Variants in JAKMIP2 observed in about 807,000 individuals in gnomAD.
JAKMIP2 encodes the protein janus kinase and microtubule interacting protein 2, also known as janus kinase and microtubule-interacting protein 2.
In JAKMIP2, 25 loss-of-function variants were observed where a neutral mutation model predicts 115.0. The ratio of observed to expected loss-of-function variants is 0.22; its 90% confidence interval spans 0.16 to 0.30. The LOEUF (loss-of-function observed/expected upper bound fraction) is 0.30, where lower values mean the gene tolerates loss of function less well. Among genes scored for constraint, JAKMIP2 ranks in the 10% least tolerant of loss-of-function variants. JAKMIP2 has a pLI of 1.00. For synonymous variants in JAKMIP2, 334 were observed against 343.6 expected (o/e 0.97, Z 0.31); for missense variants, 642 against 957.6 (o/e 0.67, Z 4.35).
rs1251844693 is a variant in JAKMIP2, at chr5:147,650,366, C to T, written c.809G>A (p.Gly270Asp). 1.2e-6 allele frequency: 2 copies of T among 1,612,748 alleles called. No homozygotes were observed. The highest frequency in any genetic ancestry group is 2.2e-5 in the South Asian group (2 of 91,058). The change falls in exon 4 of 22, where the codon GGT (glycine) becomes GAT (aspartate). Residue 270 changes from glycine to aspartate, a missense_variant. This residue lies in a region of JAKMIP2 where 439 missense variants were observed against 570.9 expected (regional missense o/e 0.77). Coordinates refer to ENST00000616793, the MANE Select transcript of JAKMIP2 (RefSeq NM_001270941.2). ...SPKREIPGRA[G>D]DGSEHCSSPD... Reference sequence around the variant, plus strand: ...ACTGCTGCAGTGTTCGGAACCATCACCTGCCCTTCCTGGAATTTCTCGTTT... The same window carrying T: ...ACTGCTGCAGTGTTCGGAACCATCATCTGCCCTTCCTGGAATTTCTCGTTT...
intron 17 of JAKMIP2, among the ~76,000 whole-genome samples, chr5:147,621,917 G>C (rs538663897): frequency 1.3e-5 from 2 of 152,282 alleles, no homozygotes; most frequent in East Asian, 1.9e-4. Flanking sequence ...GCCCAGGCTG[G>C]AGTGCAATGG....
chr5:147,676,291 A>G (rs1307758140), intron 1 of JAKMIP2, among the ~76,000 whole-genome samples: 1 of 152,174 alleles, frequency 6.6e-6, no homozygotes, highest in Non-Finnish European at 1.5e-5. Context: ...AGCCAAGATC[A>G]CGCCACTGCG....
chr5:147,687,856 TA>T (rs1760647904), intron 1 of JAKMIP2, among the ~76,000 whole-genome samples: 1 of 152,208 alleles, frequency 6.6e-6, no homozygotes, highest in Non-Finnish European at 1.5e-5. Flanking sequence ...ATTCATGAAG[TA>T]GGTATCATTT....
intron 1 of JAKMIP2, among the ~76,000 whole-genome samples, chr5:147,732,147 A>T (rs1753757983): frequency 6.6e-6 from 1 of 152,206 alleles, no homozygotes; most frequent in Non-Finnish European, 1.5e-5. Context: ...GAAAGGTGGT[A>T]AATACAGACT....
intron 1 of JAKMIP2, among the ~76,000 whole-genome samples, chr5:147,767,991 A>G (rs1391463233): frequency 6.6e-6 from 1 of 152,126 alleles, no homozygotes; most frequent in Non-Finnish European, 1.5e-5. Flanking sequence ...TCCCTGAATC[A>G]TGGCCATTCA....
At chr5:147,725,512 G>A (rs1015296692) in intron 1 of JAKMIP2, among the ~76,000 whole-genome samples, 2 of 152,082 alleles carry the variant, frequency 1.3e-5, no homozygotes, top group African/African-American at 2.4e-5. Flanking sequence ...TGGCAACCAC[G>A]AAGGGACTAT....
At chr5:147,646,641 A>ATG (rs914752489) in intron 5 of JAKMIP2, among the ~76,000 whole-genome samples, 14 of 151,848 alleles carry the variant, frequency 9.2e-5, no homozygotes, top group Admixed American at 9.2e-4. Context: ...GTAAATATGT[A>ATG]TGTATATATG....
intron 1 of JAKMIP2, among the ~76,000 whole-genome samples, chr5:147,776,181 T>A (rs1182413710): frequency 6.6e-6 from 1 of 152,148 alleles, no homozygotes; most frequent in Non-Finnish European, 1.5e-5. Flanking sequence ...CAAAACTACA[T>A]CTTGGTGATA....
chr5:147,738,195 C>T (rs1753997581), intron 1 of JAKMIP2, among the ~76,000 whole-genome samples: 1 of 152,006 alleles, frequency 6.6e-6, no homozygotes, highest in African/African-American at 2.4e-5. Flanking sequence ...ATTGGAATCA[C>T]AATAGCAGAT....
At chr5:147,627,264 T>C (rs996355842) in intron 16 of JAKMIP2, among the ~76,000 whole-genome samples, 2 of 152,120 alleles carry the variant, frequency 1.3e-5, no homozygotes, top group African/African-American at 4.8e-5. Context: ...TAAGGGGGCT[T>C]GGATGAACAG....
At chr5:147,732,416 ATGCGTT>A (rs1753768197) in intron 1 of JAKMIP2, among the ~76,000 whole-genome samples, 1 of 152,126 alleles carries the variant, frequency 6.6e-6, no homozygotes, top group South Asian at 2.1e-4. Flanking sequence ...CTCTTTCACC[ATGCGTT>A]TGTGGAGCTG....
intron 18 of JAKMIP2, among the ~76,000 whole-genome samples, chr5:147,619,378 T>TACCCATTCTCTTCTTTCCCCGTCAAAC (rs1756742002): frequency 1.3e-5 from 2 of 151,944 alleles, no homozygotes; most frequent in African/African-American, 4.8e-5. Flanking sequence ...TAGCATCAAA[T>TACCCATTCTCTTCTTTCCCCGTCAAAC]ACCCATTCTC....
At chr5:147,624,309 A>G (rs55851807) in intron 16 of JAKMIP2, among the ~76,000 whole-genome samples, 35,875 of 152,042 alleles carry the variant, frequency 0.24, 5,505 homozygotes, top group East Asian at 0.46. Flanking sequence ...AGAACACCAT[A>G]GGAGGCTTTC....
chr5:147,635,925 G>A (rs200127270), intron 12 of JAKMIP2, among the ~76,000 whole-genome samples: 2 of 150,196 alleles, frequency 1.3e-5, no homozygotes, highest in African/African-American at 4.8e-5. Flanking sequence ...GTGCGTGTAT[G>A]TATATATATA....
At chr5:147,609,002 C>CTTTT (rs138342968) in intron 20 of JAKMIP2, among the ~76,000 whole-genome samples, 2 of 148,718 alleles carry the variant, frequency 1.3e-5, no homozygotes, top group Admixed American at 6.7e-5. Context: ...GCAACCCCAG[C>CTTTT]TTTTTTTTTG....
At chr5:147,714,806 T>C (rs766415800) in intron 1 of JAKMIP2, among the ~76,000 whole-genome samples, 2 of 152,112 alleles carry the variant, frequency 1.3e-5, no homozygotes, top group Non-Finnish European at 2.9e-5. Context: ...CTACCCAAAT[T>C]TGAATTCCAT....
At chr5:147,723,223 A>T (rs1328053396) in intron 1 of JAKMIP2, among the ~76,000 whole-genome samples, 1 of 152,124 alleles carries the variant, frequency 6.6e-6, no homozygotes, top group African/African-American at 2.4e-5. Context: ...AAAAATCTAG[A>T]TATACGTATA....
chr5:147,607,853 C>T (rs1377623023), intron 20 of JAKMIP2, among the ~76,000 whole-genome samples: 1 of 152,108 alleles, frequency 6.6e-6, no homozygotes, highest in Non-Finnish European at 1.5e-5. Context: ...TATTTCAGAA[C>T]TTCTTATTGG....
At chr5:147,742,789 T>C (rs1309878448) in intron 1 of JAKMIP2, among the ~76,000 whole-genome samples, 2 of 152,056 alleles carry the variant, frequency 1.3e-5, no homozygotes, top group Non-Finnish European at 2.9e-5. Flanking sequence ...CTTTTTTAAC[T>C]TACTGAGTTG....
Sources: allele counts gnomAD v4.1 joint callset (sites outside exome capture counted in the v4.1 genomes callset), GRCh38; gene constraint gnomAD v4.1.1; regional missense constraint gnomAD v4.1.1; transcripts MANE v1.5; gene names NCBI Gene and HGNC (gene_info 2026-07-23, HGNC 2026-07-21).